FHL1: variants seen among roughly 807,000 people sequenced by gnomAD.
The protein encoded by FHL1 is four and a half LIM domains protein 1.
FHL1 carries 1 observed loss-of-function variant against 20.3 expected under a neutral mutation model. That is an observed-to-expected ratio of 0.05 (90% CI 0.02 to 0.23). The LOEUF (loss-of-function observed/expected upper bound fraction) is 0.23, where lower values mean the gene tolerates loss of function less well. Among genes scored for constraint, FHL1 ranks in the 10% least tolerant of loss-of-function variants. The probability of loss-of-function intolerance (pLI) is 1.00; values close to 1 mark genes in which losing one functional copy is unlikely to be tolerated. For synonymous variants in FHL1, 82 were observed against 88.9 expected, an observed-to-expected ratio of 0.92 and a Z score of 0.44; for missense variants, 177 against 234.0, an observed-to-expected ratio of 0.76 and a Z score of 1.59.
In FHL1 at chrX:136,210,732, C is replaced by A. The variant is rs763149515; in HGVS notation, c.*707C>A. 1.4e-4 allele frequency: 55 copies of A among 387,563 alleles called. No homozygotes were observed. Among genetic ancestry groups the A allele is most frequent in the African/African-American group, 1.3e-3 (53 of 40,831 alleles). The allele number at this position is 387,563 out of a possible 1,213,427, so 31.9% of individuals were successfully genotyped here. On this transcript the variant is annotated 3_prime_UTR_variant, in exon 6 of 6. Transcript: ENST00000370683. ...GTGTAGAAAGACCTGAGAAAACGAGCCTGTTTCAGAGGAACATCGTCACAA... is the reference window on the plus strand; with the variant it reads ...GTGTAGAAAGACCTGAGAAAACGAGACTGTTTCAGAGGAACATCGTCACAA...
At chrX:136,185,417 C>T (rs1036031080) in intron 2 of FHL1, among the ~76,000 whole-genome samples, 1 of 112,372 alleles carries the variant, frequency 8.9e-6, no homozygotes, top group African/African-American at 3.2e-5. Flanking sequence ...ACAAAGATAG[C>T]TGCCAGTGTA....
At chrX:136,157,208 G>A (rs1366931334) in intron 1 of FHL1, among the ~76,000 whole-genome samples, 1 of 111,406 alleles carries the variant, frequency 9.0e-6, no homozygotes, top group Non-Finnish European at 1.9e-5. Flanking sequence ...GGCTAAAGAG[G>A]CACGTTAAGT....
intron 2 of FHL1, among the ~76,000 whole-genome samples, chrX:136,190,279 G>C (rs1442563141): frequency 1.8e-5 from 2 of 111,391 alleles, no homozygotes; most frequent in Non-Finnish European, 3.8e-5. Flanking sequence ...CTGGCATGGT[G>C]AACTTGTTGT....
At chrX:136,168,431 C>T (rs757438908), upstream of FHL1, 13 of 111,208 alleles carry the variant, frequency 1.2e-4, no homozygotes, top group Non-Finnish European at 1.7e-4. Flanking sequence ...AACATTTTAC[C>T]GGACAAAGAA....
chrX:136,193,740 T>TTTTTC (rs1207629595), upstream of FHL1, among the ~76,000 whole-genome samples: 1 of 110,295 alleles, frequency 9.1e-6, no homozygotes, highest in African/African-American at 3.3e-5. Flanking sequence ...ATTCTTTCAG[T>TTTTTC]CTTTCCTTGC....
At chrX:136,206,672 G>A in intron 2 of FHL1, 84 bp downstream of exon 2, 10 of 1,137,580 alleles carry the variant, frequency 8.8e-6, no homozygotes, top group Admixed American at 4.3e-5. Context: ...GCAGCTGGCT[G>A]TTAGGATTTC....
chrX:136,187,496 C>CTA (rs1419421072), intron 2 of FHL1, among the ~76,000 whole-genome samples: 1 of 112,227 alleles, frequency 8.9e-6, no homozygotes, highest in Non-Finnish European at 1.9e-5. Context: ...CTGATGCATG[C>CTA]TATAGCATGA....
intron 2 of FHL1, among the ~76,000 whole-genome samples, chrX:136,170,749 T>C (rs1431554171): frequency 1.8e-5 from 2 of 110,952 alleles, no homozygotes; most frequent in Non-Finnish European, 3.8e-5. Flanking sequence ...CCGGTCTCTG[T>C]GCGCTCACAA....
intron 2 of FHL1, among the ~76,000 whole-genome samples, chrX:136,180,785 A>G (rs997961241): frequency 4.4e-5 from 3 of 67,874 alleles, no homozygotes; most frequent in Non-Finnish European, 6.6e-5. Context: ...TCTCTCGCCC[A>G]GGCTGGAGTG....
At chrX:136,153,277 C>T (rs953464027) in intron 1 of FHL1, among the ~76,000 whole-genome samples, 2 of 37,553 alleles carry the variant, frequency 5.3e-5, no homozygotes, top group Non-Finnish European at 1.3e-4. Flanking sequence ...CATTTTTTTG[C>T]GGGAGGTGGG....
In FHL1 at chrX:136,197,134, G is replaced by A. The variant is rs370725689; in HGVS notation, c.22G>A (p.Gly8Ser). The A allele has an allele frequency of 1.5e-5, 18 of 1,205,794 alleles. No homozygotes were observed. The highest frequency in any genetic ancestry group is 1.4e-4 in the African/African-American group (8 of 57,094). Residue 8 changes from glycine (G) to serine (S), a missense_variant and splice_region_variant, in exon 1 of 6, where the codon GGT (glycine) becomes AGT (serine). Gly to Ser is a moderately conservative substitution (Grantham distance 56, BLOSUM62 0). Coordinates refer to ENST00000370683, the MANE Select transcript of FHL1 (RefSeq NM_001159699.2). Reference sequence around the variant, plus strand: ...AGCCATGGCTTCCCATAGACACTCAGGTAAAACTTCATGCTCTTTATCTTA... The same window carrying A: ...AGCCATGGCTTCCCATAGACACTCAAGTAAAACTTCATGCTCTTTATCTTA... MASHRHS[G>S]PSSYKVGTMA... is the part of the protein sequence containing the mutation.
intron 1 of FHL1, among the ~76,000 whole-genome samples, chrX:136,201,278 T>G (rs1031480591): frequency 8.9e-6 from 1 of 112,075 alleles, no homozygotes; most frequent in African/African-American, 3.2e-5. Flanking sequence ...GACCTGGGCT[T>G]TTATATGTTG....
chrX:136,198,693 A>G (rs2073624603), intron 1 of FHL1, among the ~76,000 whole-genome samples: 1 of 112,114 alleles, frequency 8.9e-6, no homozygotes, highest in Non-Finnish European at 1.9e-5. Context: ...GTGACTATCC[A>G]TATACTGAGA....
At chrX:136,209,120 C>A in intron 5 of FHL1, 1 of 580,171 alleles carries the variant, frequency 1.7e-6, no homozygotes, top group Non-Finnish European at 2.7e-6. Flanking sequence ...CAAAGCTAAT[C>A]ACTTCATTCC....
intron 2 of FHL1, among the ~76,000 whole-genome samples, chrX:136,170,826 C>T (rs1200353631): frequency 9.0e-6 from 1 of 111,202 alleles, no homozygotes; most frequent in Non-Finnish European, 1.9e-5. Context: ...CAAAAGGTTG[C>T]TGCGTTTTTG....
intron 1 of FHL1, chrX:136,169,792 A>T: frequency 3.0e-6 from 1 of 331,073 alleles, no homozygotes; most frequent in Non-Finnish European, 5.9e-6. Context: ...TACAAAGTAG[A>T]ATGTGTTACC....
At chrX:136,164,087 GT>G (rs1359109663) in intron 1 of FHL1, among the ~76,000 whole-genome samples, 1 of 111,783 alleles carries the variant, frequency 8.9e-6, no homozygotes, top group East Asian at 2.8e-4. Context: ...GAATTTCAAG[GT>G]TTTTACCTTT....
Position 136,210,835 on chromosome X carries a change from G to C in FHL1, c.*810G>C, listed in dbSNP as rs1400940417. 2.6e-6 allele frequency: 1 copy of C among 383,576 alleles called. No individual in the cohort carries two copies. Among genetic ancestry groups the C allele is most frequent in the African/African-American group, 2.5e-5 (1 of 40,438 alleles). The allele number at this position is 383,576 out of a possible 1,213,427, so 31.6% of individuals were successfully genotyped here. On this transcript the variant is annotated 3_prime_UTR_variant, in exon 6 of 6. Transcript: ENST00000370683. ...TTTAATTAATATTTTTGTTTTAATT[G>C]ATAGCAAAATAGTTTATGGGTTTGG...
At chrX:136,175,576 GA>G (rs994283397) in intron 2 of FHL1, among the ~76,000 whole-genome samples, 3 of 112,336 alleles carry the variant, frequency 2.7e-5, no homozygotes, top group African/African-American at 6.5e-5. Context: ...TGTCTAATGT[GA>G]AAAAAATAGT....
Sources: gnomAD v4.1 joint callset for allele counts (sites outside exome capture counted in the v4.1 genomes callset) on GRCh38, gnomAD v4.1.1 for gene constraint, MANE v1.5 for transcripts, NCBI Gene and HGNC (gene_info 2026-07-23, HGNC 2026-07-21) for gene names.